Variants in PPP1R18 observed in about 807,000 individuals in gnomAD.
PPP1R18 encodes protein phosphatase 1 regulatory subunit 18.
A neutral mutation model predicts 54.8 loss-of-function variants in PPP1R18; 31 were observed. That is an observed-to-expected ratio of 0.57 (90% CI 0.43 to 0.76). The LOEUF (loss-of-function observed/expected upper bound fraction) is 0.76. Among genes scored for constraint, PPP1R18 ranks in the 30% least tolerant of loss-of-function variants. The pLI, the probability that PPP1R18 is intolerant of heterozygous loss-of-function variation, is 0.00. For synonymous variants in PPP1R18, 310 were observed against 320.2 expected, an observed-to-expected ratio of 0.97 and a Z score of 0.34; for missense variants, 685 against 776.1, an observed-to-expected ratio of 0.88 and a Z score of 1.39.
At position 30,684,714 on chromosome 6, in the gene PPP1R18, G is replaced by GGGTGGGGGAGACAGAGGGGCTGGT; in HGVS notation, c.1281_1304dup (p.Leu431_Pro438dup). On this transcript the variant is annotated inframe_insertion, in exon 1 of 3. Transcript: ENST00000274853. This position sits in a 1 kb window ranked among gnomAD's most constrained non-coding sequence, Gnocchi z 6.0. ...GAGGTTGGGGGGCAGTTGGGGCTGG[G>GGGTGGGGGAGACAGAGGGGCTGGT]GGTGGGGGAGACAGAGGGGCTGGTG... 6.7e-7 allele frequency: 1 copy of GGGTGGGGGAGACAGAGGGGCTGGT among 1,488,102 alleles called. No individual in the cohort carries two copies. Among genetic ancestry groups the GGGTGGGGGAGACAGAGGGGCTGGT allele is most frequent in the Non-Finnish European group, 9.0e-7 (1 of 1,110,612 alleles). 92.2% of individuals were successfully genotyped at this position (1,488,102 alleles called of 1,614,324 possible). A position where few individuals can be genotyped will look rare whatever the true frequency, so the allele number is the denominator to read the frequency against.
chr6:30,682,711 C>A (rs893264773), intron 1 of PPP1R18, among the ~76,000 whole-genome samples: 1 of 151,926 alleles, frequency 6.6e-6, no homozygotes, highest in African/African-American at 2.4e-5. Context: ...CCACTCAGCC[C>A]CACCAGCCTT....
chr6:30,679,084 G>T, intron 2 of PPP1R18, 95 bp downstream of exon 2: 1 of 999,284 alleles, frequency 1.0e-6, no homozygotes, highest in East Asian at 2.7e-5. Flanking sequence ...AGCCCCTTCC[G>T]AGTGCCTACA....
In PPP1R18 at chr6:30,679,207, G is replaced by T. The variant is rs879599375; in HGVS notation, c.1794C>A (p.Gly598=). 6.9e-6 allele frequency: 11 copies of T among 1,585,640 alleles called. No individual in the cohort carries two copies. Among genetic ancestry groups the T allele is most frequent in the Non-Finnish European group, 9.4e-6 (11 of 1,169,502 alleles). ...CAATCAGGGCCTTGGTGCGCAGCCC[G>T]CCCTGGAGCTCTGGCTGCAGCAGCA... ...ELLLLQPELQ[G]GLRTKALIVD... The change falls in exon 2 of 3, where the codon GGC becomes GGA. Residue 598 remains glycine, a synonymous_variant. Transcript: ENST00000274853.
In PPP1R18 at chr6:30,683,017, G is replaced by A. The variant is rs1770645300; in HGVS notation, c.1611+1391C>T. Among the ~76,000 whole-genome samples, 1 of 152,212 alleles carries A rather than the reference G, an allele frequency of 6.6e-6. No homozygotes were observed. Among genetic ancestry groups the A allele is most frequent in the Non-Finnish European group, 1.5e-5 (1 of 68,040 alleles). ...GAGGGGAACAGGCTGGTAGCAGTCA[G>A]AGGGCTGAGGGTAGGTTCCCAAGAA... On this transcript the variant is annotated intron_variant, in intron 1 of 2. Transcript: ENST00000274853. The surrounding 1 kb of genome is among the most constrained non-coding windows in gnomAD (Gnocchi z 5.1).
At chr6:30,677,633 G>T (rs1042087942) in intron 2 of PPP1R18, among the ~76,000 whole-genome samples, 37 of 152,100 alleles carry the variant, frequency 2.4e-4, no homozygotes, top group African/African-American at 5.1e-4. Flanking sequence ...GATCACTTGA[G>T]GTCAGGAGTT....
Position 30,679,370 on chromosome 6 carries a change from T to A in PPP1R18, c.1631A>T (p.Glu544Val). ...TTGGTACGTGGTCTCCAGGGCTGTCTCGCTGAAGGAGATCTTAAGCTGAAG... is the reference window on the plus strand; with the variant it reads ...TTGGTACGTGGTCTCCAGGGCTGTCACGCTGAAGGAGATCTTAAGCTGAAG... The part of the protein sequence containing the change: ...HHKQLKISFS[E>V]TALETTYQYP... Residue 544 changes from glutamate (E) to valine (V), a missense_variant, in exon 2 of 3, where the codon GAG (glutamate) becomes GTG (valine). Transcript: ENST00000274853. The A allele has an allele frequency of 6.3e-7, 1 of 1,587,018 alleles. No individual in the cohort carries two copies. The highest frequency in any genetic ancestry group is 8.6e-7 in the Non-Finnish European group (1 of 1,168,388).
In PPP1R18 at chr6:30,684,735, T is replaced by G. The variant is rs1562027414; in HGVS notation, c.1284A>C (p.Pro428=). Residue 428 remains proline (P), a synonymous_variant, in exon 1 of 3, where the codon CCA becomes CCC. Transcript: ENST00000274853. The surrounding 1 kb of genome is among the most constrained non-coding windows in gnomAD (Gnocchi z 6.0). The part of the protein sequence containing the change: ...EEAVELQPPP[P]APLSPPPPAP... Reference sequence around the variant, plus strand: ...CTGGGGGTGGGGGAGACAGAGGGGCTGGTGGTGGGGGCTGGAGCTCCACTG... The same window carrying G: ...CTGGGGGTGGGGGAGACAGAGGGGCGGGTGGTGGGGGCTGGAGCTCCACTG... 1.9e-6 allele frequency: 3 copies of G among 1,549,516 alleles called. No homozygotes were observed. The highest frequency in any genetic ancestry group is 2.6e-6 in the Non-Finnish European group (3 of 1,147,754).
chr6:30,679,414 A>G, intron 1 of PPP1R18, 25 bp from the exon 2 acceptor site: 1 of 1,289,056 alleles, frequency 7.8e-7, no homozygotes. Context: ...AAAAGGGGGC[A>G]GGAGGCAAGG....
In PPP1R18 at chr6:30,679,272, C is replaced by A; in HGVS notation, c.1729G>T (p.Ala577Ser). 6.4e-7 allele frequency: 1 copy of A among 1,563,362 alleles called. No homozygotes were observed. The change falls in exon 2 of 3, where the codon GCA (alanine) becomes TCA (serine). Residue 577 changes from alanine to serine, a missense_variant. Transcript: ENST00000274853. ...TCCTCTTCGTCGTCGGGTTGGGCTG[C>A]TGGAGGGTTGGGGGCACTGGGGACC... ...PEVPSAPNPPAAQPDDEEDEE... is the reference protein window; with the variant it reads ...PEVPSAPNPPSAQPDDEEDEE...
Position 30,685,863 on chromosome 6 carries a change from C to T in PPP1R18, c.156G>A (p.Gly52=). 6.2e-7 allele frequency: 1 copy of T among 1,612,230 alleles called. No individual in the cohort carries two copies. Among genetic ancestry groups the T allele is most frequent in the African/African-American group, 1.3e-5 (1 of 75,064 alleles). Residue 52 remains glycine, a synonymous_variant, in exon 1 of 3, where the codon GGG becomes GGA. Transcript: ENST00000274853. This position sits in a 1 kb window ranked among gnomAD's most constrained non-coding sequence, Gnocchi z 5.0. ...CAGGGCTAGGCTCCCCAGGGGACAG[C>T]CCAAGCTTGGCCCGGCGGCGCTCCA... ...GLLERRRAKL[G]LSPGEPSPVL...
chr6:30,685,944 T>C lies in PPP1R18; in HGVS notation c.75A>G (p.Arg25=), dbSNP rs757606993. Residue 25 remains arginine (R), a synonymous_variant, in exon 1 of 3, where the codon CGA becomes CGG. Coordinates refer to ENST00000274853, the MANE Select transcript of PPP1R18 (RefSeq NM_133471.4). The surrounding 1 kb of genome is among the most constrained non-coding windows in gnomAD (Gnocchi z 5.0). The stretch of plus-strand genomic sequence containing the variant: ...ACAGGCGCTCCCGTTCTGCTTTCTC[T>C]CGGCCTCGAACGGACGCCTCCTCCT... ...RRQEEASVRG[R]EKAERERLSQ... 1.9e-6 allele frequency: 3 copies of C among 1,606,988 alleles called. No homozygotes were observed. Among genetic ancestry groups the C allele is most frequent in the Non-Finnish European group, 2.5e-6 (3 of 1,179,856 alleles).
At position 30,685,835 on chromosome 6, in the gene PPP1R18, G is replaced by C; in HGVS notation, c.184C>G (p.Leu62Val). Residue 62 changes from leucine to valine, a missense_variant, in exon 1 of 3, where the codon CTA (leucine) becomes GTA (valine). By Grantham distance (32) the Leu-to-Val change is conservative. Transcript: ENST00000274853. The surrounding 1 kb of genome is among the most constrained non-coding windows in gnomAD (Gnocchi z 5.0). ...GGAGGTCCAGCCTCTACAGTCCCTAGCACAGGGCTAGGCTCCCCAGGGGAC... is the reference window on the plus strand; with the variant it reads ...GGAGGTCCAGCCTCTACAGTCCCTACCACAGGGCTAGGCTCCCCAGGGGAC... ...GLSPGEPSPV[L>V]GTVEAGPPDP... 1 of 1,612,854 alleles carries C rather than the reference G, an allele frequency of 6.2e-7. No homozygotes were observed. Among genetic ancestry groups the C allele is most frequent in the Non-Finnish European group, 8.5e-7 (1 of 1,180,024 alleles).
chr6:30,678,021 C>T (rs1770295499), intron 2 of PPP1R18, among the ~76,000 whole-genome samples: 1 of 151,694 alleles, frequency 6.6e-6, no homozygotes, highest in African/African-American at 2.4e-5. Flanking sequence ...AGTGATTCTC[C>T]TGCCTCAGAC....
Position 30,685,667 on chromosome 6 carries a change from C to T in PPP1R18, c.352G>A (p.Glu118Lys). The T allele has an allele frequency of 1.2e-6, 2 of 1,613,130 alleles. No homozygotes were observed. Among genetic ancestry groups the T allele is most frequent in the Non-Finnish European group, 1.7e-6 (2 of 1,180,042 alleles). ...LLAERKPGPL[E>K]ARERRPSPGE... Reference sequence around the variant, plus strand: ...GGGCTGGGTCTCCGCTCCCGGGCCTCCAGAGGCCCAGGCTTTCTCTCTGCT... The same window carrying T: ...GGGCTGGGTCTCCGCTCCCGGGCCTTCAGAGGCCCAGGCTTTCTCTCTGCT... The change falls in exon 1 of 3, where the codon GAG becomes AAG. Residue 118 changes from glutamate (E) to lysine (K), a missense_variant. Physicochemically the swap from Glu to Lys is moderately conservative, Grantham distance 56. Coordinates refer to ENST00000274853, the MANE Select transcript of PPP1R18 (RefSeq NM_133471.4). This position sits in a 1 kb window ranked among gnomAD's most constrained non-coding sequence, Gnocchi z 5.0.
rs1770849390 is a variant in PPP1R18 at position 30,685,458 on chromosome 6, T to G, written c.561A>C (p.Ser187=). 1 of 1,612,922 alleles carries G rather than the reference T, an allele frequency of 6.2e-7. No individual in the cohort carries two copies. Among genetic ancestry groups the G allele is most frequent in the Non-Finnish European group, 8.5e-7 (1 of 1,180,030 alleles). The change falls in exon 1 of 3, where the codon TCA becomes TCC. Residue 187 remains serine (S), a synonymous_variant. Transcript: ENST00000274853. The surrounding 1 kb of genome is among the most constrained non-coding windows in gnomAD (Gnocchi z 5.0). ...GACTCAGCCTCCATTTCCATGCCTC[T>G]GACAGTCGGGAGCTCCTGTCTCCCA... ...GEVGDRSSRL[S]EAWKWRLSPG... is the part of the protein sequence containing the mutation.
In PPP1R18 at chr6:30,685,708, CGTT is replaced by C. The variant is rs756177648; in HGVS notation, c.308_310del (p.Gln103del). 1.4e-5 allele frequency: 23 copies of C among 1,612,962 alleles called. No homozygotes were observed. The highest frequency in any genetic ancestry group is 5.0e-5 in the Admixed American group (3 of 60,008). ...TCTCTCTGCTAGCAGCTCTTCACTC[CGTT>C]GTTGTTGCTGCTGCTGCTGCTGCCG... On this transcript the variant is annotated inframe_deletion, in exon 1 of 3. Transcript: ENST00000274853. This position sits in a 1 kb window ranked among gnomAD's most constrained non-coding sequence, Gnocchi z 5.0.
At position 30,684,522 on chromosome 6, in the gene PPP1R18, C is replaced by CG; in HGVS notation, c.1496dup (p.Ala501GlyfsTer39). On this transcript the variant is annotated frameshift_variant, in exon 1 of 3. Coordinates refer to ENST00000274853, the MANE Select transcript of PPP1R18 (RefSeq NM_133471.4). LOFTEE classifies it high-confidence loss of function. This position sits in a 1 kb window ranked among gnomAD's most constrained non-coding sequence, Gnocchi z 6.0. The stretch of plus-strand genomic sequence containing the variant: ...TTGGGTACCGCTTCTTCCCAGCCCC[C>CG]GGGACTGCAGCATCAACTGTGGCTG... 1.9e-6 allele frequency: 3 copies of CG among 1,612,578 alleles called. No homozygotes were observed. The highest frequency in any genetic ancestry group is 2.5e-6 in the Non-Finnish European group (3 of 1,179,810).
Position 30,677,124 on chromosome 6 carries a change from A to T in PPP1R18, c.*145T>A. The stretch of plus-strand genomic sequence containing the variant: ...TTGGGCAATTGGCTCTGCCCCCAGA[A>T]ACAGGGTGGGGAAAGCAAGTTACAA... On this transcript the variant is annotated 3_prime_UTR_variant, in exon 3 of 3. Coordinates refer to ENST00000274853, the MANE Select transcript of PPP1R18 (RefSeq NM_133471.4). The T allele has an allele frequency of 1.2e-6, 1 of 815,640 alleles. No homozygotes were observed. 50.5% of individuals were successfully genotyped at this position (815,640 alleles called of 1,614,324 possible). A position where few individuals can be genotyped will look rare whatever the true frequency, so the allele number is the denominator to read the frequency against.
At chr6:30,679,784 C>T (rs1036102560) in intron 1 of PPP1R18, among the ~76,000 whole-genome samples, 8 of 152,120 alleles carry the variant, frequency 5.3e-5, no homozygotes, top group African/African-American at 1.7e-4. Context: ...TGATCAGAAC[C>T]GAGTCTTTGG....
Sources: allele counts gnomAD v4.1 joint callset (sites outside exome capture counted in the v4.1 genomes callset), GRCh38; gene constraint gnomAD v4.1.1; non-coding constraint Gnocchi (gnomAD v3.1); transcripts MANE v1.5; gene names NCBI Gene and HGNC (gene_info 2026-07-23, HGNC 2026-07-21).